HS3ST5: variants seen among roughly 807,000 people sequenced by gnomAD.
HS3ST5 encodes heparan sulfate glucosamine 3-O-sulfotransferase 5.
Under a neutral mutation model 25.4 loss-of-function variants are expected in HS3ST5, and 10 were observed. The ratio of observed to expected loss-of-function variants is 0.39; its 90% CI spans 0.24 to 0.67. The LOEUF (loss-of-function observed/expected upper bound fraction) is 0.67, where lower values mean the gene tolerates loss of function less well. Ranked by LOEUF, HS3ST5 falls within the 30% of genes least tolerant of loss-of-function variation. The probability of loss-of-function intolerance (pLI) is 0.44; values close to 1 mark genes in which losing one functional copy is unlikely to be tolerated. For synonymous variants in HS3ST5, 170 were observed against 162.4 expected, an observed-to-expected ratio of 1.05 and a Z score of -0.36; for missense variants, 324 against 420.7, an observed-to-expected ratio of 0.77 and a Z score of 2.01.
chr6:114,336,515 C>T (rs1267587667), intron 1 of HS3ST5, among the ~76,000 whole-genome samples: 2 of 152,070 alleles, frequency 1.3e-5, no homozygotes, highest in African/African-American at 4.8e-5. Flanking sequence ...GGCTGAGGCA[C>T]GAAATCACTT....
intron 2 of HS3ST5, among the ~76,000 whole-genome samples, chr6:114,210,022 T>A (rs1243956324): frequency 6.6e-6 from 1 of 152,182 alleles, no homozygotes; most frequent in Non-Finnish European, 1.5e-5. Flanking sequence ...AGCCTTTGAT[T>A]TTTCTGTCAA....
intron 3 of HS3ST5, among the ~76,000 whole-genome samples, chr6:114,076,980 G>A (rs1277132441): frequency 6.6e-6 from 1 of 152,176 alleles, no homozygotes; most frequent in African/African-American, 2.4e-5. Flanking sequence ...GAAAAAGGTT[G>A]ATAAATTATA....
At chr6:114,303,365 T>C (rs1199391215) in intron 1 of HS3ST5, among the ~76,000 whole-genome samples, 1 of 151,022 alleles carries the variant, frequency 6.6e-6, no homozygotes, top group African/African-American at 2.4e-5. Context: ...GGTTTCCTAT[T>C]GATTTAAAGT....
At position 114,062,637 on chromosome 6, in the gene HS3ST5, C is replaced by T. The variant is rs761080925; in HGVS notation, c.107+102G>A. On this transcript the variant is annotated intron_variant, in intron 4 of 4. Coordinates refer to ENST00000312719, the MANE Select transcript of HS3ST5 (RefSeq NM_153612.4). ...AGAAAAGCATGTTTCCTGGGAATTT[C>T]GAAGGAGAAAAACAAGTGGATAGAC... 9.8e-4 allele frequency: 684 copies of T among 694,446 alleles called. 1 individual carries two copies. The highest frequency in any genetic ancestry group is 1.4e-3 in the Admixed American group (58 of 40,864). 43.0% of individuals were successfully genotyped at this position (694,446 alleles called of 1,614,324 possible).
chr6:114,074,684 CTA>C (rs1220888159), intron 3 of HS3ST5, among the ~76,000 whole-genome samples: 1 of 152,100 alleles, frequency 6.6e-6, no homozygotes, highest in Non-Finnish European at 1.5e-5. Context: ...CTGCCACTGA[CTA>C]TGTTCTCTAA....
intron 3 of HS3ST5, among the ~76,000 whole-genome samples, chr6:114,123,905 C>T (rs1259776993): frequency 2.0e-5 from 3 of 152,136 alleles, no homozygotes; most frequent in African/African-American, 7.2e-5. Flanking sequence ...GGAGAATTCA[C>T]TGTTGCTCCA....
rs534603295 is a variant in HS3ST5, at chr6:114,238,820, A to C, written c.-338-10042T>G. Among the ~76,000 whole-genome samples, 10 of 152,314 alleles carry C rather than the reference A, an allele frequency of 6.6e-5. 1 individual carries two copies. The South Asian group carries it at 2.1e-3, about 32-fold the overall frequency. On this transcript the variant is annotated intron_variant, in intron 1 of 4. Coordinates refer to ENST00000312719, the MANE Select transcript of HS3ST5 (RefSeq NM_153612.4). ...CCACAGCCCCCGCCACCATATTAAT[A>C]GGTTATTCTACATAATGTTGTTTTT... is the stretch of plus-strand genomic sequence containing the variant.
chr6:114,248,935 T>C (rs1177030998), intron 1 of HS3ST5, among the ~76,000 whole-genome samples: 1 of 152,234 alleles, frequency 6.6e-6, no homozygotes, highest in Non-Finnish European at 1.5e-5. Context: ...GCAGACACTT[T>C]AGGTGGAAGA....
chr6:114,176,044 A>C (rs768863356), intron 2 of HS3ST5, among the ~76,000 whole-genome samples: 1 of 152,232 alleles, frequency 6.6e-6, no homozygotes, highest in Non-Finnish European at 1.5e-5. Context: ...ATGGTAACAA[A>C]AAACAATTTC....
chr6:114,161,545 A>ATATATT (rs1352431342), intron 3 of HS3ST5, among the ~76,000 whole-genome samples: 1 of 82,882 alleles, frequency 1.2e-5, no homozygotes, highest in African/African-American at 4.1e-5. Flanking sequence ...ATATATATAT[A>ATATATT]TATATATATA....
intron 2 of HS3ST5, among the ~76,000 whole-genome samples, chr6:114,179,454 C>A (rs1779862419): frequency 6.6e-6 from 1 of 151,976 alleles, no homozygotes; most frequent in Non-Finnish European, 1.5e-5. Flanking sequence ...TCATAAAGTA[C>A]CCAAGTTACA....
intron 1 of HS3ST5, among the ~76,000 whole-genome samples, chr6:114,252,447 A>C (rs755393085): frequency 5.9e-5 from 9 of 152,224 alleles, no homozygotes; most frequent in Non-Finnish European, 1.0e-4. Flanking sequence ...AAGCAGGATT[A>C]TCACTATTTG....
At chr6:114,174,777 G>A (rs746224744) in intron 2 of HS3ST5, among the ~76,000 whole-genome samples, 12 of 152,014 alleles carry the variant, frequency 7.9e-5, no homozygotes, top group African/African-American at 1.2e-4. Context: ...GGCAGATCAC[G>A]AGGTCAAGAG....
At chr6:114,187,410 G>A (rs1307719068) in intron 2 of HS3ST5, among the ~76,000 whole-genome samples, 1 of 152,176 alleles carries the variant, frequency 6.6e-6, no homozygotes, top group Non-Finnish European at 1.5e-5. Context: ...GGATGACTTT[G>A]AGGGGTTCAA....
intron 1 of HS3ST5, among the ~76,000 whole-genome samples, chr6:114,267,218 T>C (rs74477064): frequency 0.016 from 2,429 of 152,322 alleles, 80 homozygotes; most frequent in African/African-American, 0.055. Flanking sequence ...GTGATAAAAT[T>C]ATTTTTGCAT....
At chr6:114,273,799 G>C (rs1773731719) in intron 1 of HS3ST5, among the ~76,000 whole-genome samples, 1 of 151,998 alleles carries the variant, frequency 6.6e-6, no homozygotes, top group African/African-American at 2.4e-5. Flanking sequence ...GGAGTTGTGG[G>C]GTGAAAGCCT....
At chr6:114,149,930 A>T (rs933961961) in intron 3 of HS3ST5, among the ~76,000 whole-genome samples, 11 of 152,154 alleles carry the variant, frequency 7.2e-5, no homozygotes, top group African/African-American at 2.7e-4. Context: ...CTGTCATATC[A>T]AGAAGAGACA....
intron 1 of HS3ST5, among the ~76,000 whole-genome samples, chr6:114,241,024 T>G (rs1772091335): frequency 6.7e-6 from 1 of 149,422 alleles, no homozygotes; most frequent in Non-Finnish European, 1.5e-5. Flanking sequence ...AAAAGGCATG[T>G]AATAAACTGA....
chr6:114,292,232 T>C (rs1210966905), intron 1 of HS3ST5, among the ~76,000 whole-genome samples: 2 of 152,190 alleles, frequency 1.3e-5, no homozygotes, highest in Admixed American at 1.3e-4. Context: ...TAATTTATAA[T>C]GAATGGAAAT....
Sources: gnomAD v4.1 joint callset for allele counts (sites outside exome capture counted in the v4.1 genomes callset) on GRCh38, gnomAD v4.1.1 for gene constraint, MANE v1.5 for transcripts, NCBI Gene and HGNC (gene_info 2026-07-23, HGNC 2026-07-21) for gene names.